Variants in AIG1 observed in about 807,000 individuals in gnomAD.
The protein encoded by AIG1 is androgen induced 1.
AIG1 carries 23 observed loss-of-function variants against 31.4 expected under a neutral mutation model. That is an observed-to-expected ratio of 0.73 (90% CI 0.53 to 1.04). The LOEUF is 1.04. AIG1 is among the 50% of genes least tolerant of loss of function. AIG1 has a pLI of 0.00. For missense variants in AIG1, 274 were observed against 295.0 expected, an observed-to-expected ratio of 0.93 and a Z score of 0.52; for synonymous variants, 100 against 110.5, an observed-to-expected ratio of 0.90 and a Z score of 0.60.
rs561022728 is a variant in AIG1 at position 143,286,768 on chromosome 6, A to G, written c.515+2543A>G. Among the ~76,000 whole-genome samples, 13 of 152,298 alleles carry G rather than the reference A, an allele frequency of 8.5e-5. No individual in the cohort carries two copies. The South Asian group carries it at 1.0e-3, about 12-fold the overall frequency. ...GCAATACTGAGTAAGGTTGAGCTAA[A>G]TCTATACCTCAGGGGCTGACCAGGC... is the stretch of plus-strand genomic sequence containing the variant. On this transcript the variant is annotated intron_variant, in intron 4 of 5. Transcript: ENST00000357847.
upstream of AIG1, among the ~76,000 whole-genome samples, chr6:143,059,396 A>G (rs1363817732): frequency 1.3e-5 from 2 of 152,192 alleles, no homozygotes; most frequent in African/African-American, 4.8e-5. Flanking sequence ...AACCAATTCC[A>G]GACACATTAT....
chr6:143,199,833 A>G (rs1470437362), intron 3 of AIG1, among the ~76,000 whole-genome samples: 2 of 152,214 alleles, frequency 1.3e-5, no homozygotes, highest in African/African-American at 4.8e-5. Context: ...GAAGTATACA[A>G]GAAGGCTTAA....
intron 1 of AIG1, among the ~76,000 whole-genome samples, chr6:143,082,474 C>T (rs1778353316): frequency 6.6e-6 from 1 of 152,200 alleles, no homozygotes; most frequent in Non-Finnish European, 1.5e-5. Context: ...TGTGCAGTCA[C>T]AGCACTGGTC....
Position 143,299,326 on chromosome 6 carries a change from A to G in AIG1, c.515+15101A>G, listed in dbSNP as rs930195674. ...AGGAATACTCTTCCAAGTCTCAGCTAGCAGAGTCGAGAAATAGCATGACAT... is the reference window on the plus strand; with the variant it reads ...AGGAATACTCTTCCAAGTCTCAGCTGGCAGAGTCGAGAAATAGCATGACAT... On this transcript the variant is annotated intron_variant, in intron 4 of 5. Coordinates refer to ENST00000357847, the MANE Select transcript of AIG1 (RefSeq NM_016108.4). This position sits in a 1 kb window ranked among gnomAD's most constrained non-coding sequence, Gnocchi z 4.1. The G allele has an allele frequency of 1.3e-5, 2 of 152,226 alleles. No homozygotes were observed. The highest frequency in any genetic ancestry group is 2.4e-5 in the African/African-American group (1 of 41,466). The allele number at this position is 152,226 out of a possible 1,614,324, so 9.4% of individuals were successfully genotyped here.
chr6:143,334,045 A>G lies in AIG1; in HGVS notation c.679+600A>G. 2 of 1,549,846 alleles carry G rather than the reference A, an allele frequency of 1.3e-6. No individual in the cohort carries two copies. The highest frequency in any genetic ancestry group is 2.4e-5 in the East Asian group (1 of 40,906). On this transcript the variant is annotated intron_variant, in intron 5 of 5. Transcript: ENST00000357847. The surrounding 1 kb of genome is among the most constrained non-coding windows in gnomAD (Gnocchi z 5.1). ...GCTGGAAAAACTCTTTTAACCTGTG[A>G]TTTGATTTCTCTTTTGTTTCCATTT...
chr6:143,131,781 G>A (rs1783264308), intron 1 of AIG1, among the ~76,000 whole-genome samples: 1 of 152,184 alleles, frequency 6.6e-6, no homozygotes, highest in Admixed American at 6.5e-5. Context: ...TTTTGGTGTT[G>A]TGGTACCCTA....
At chr6:143,261,588 T>C (rs1795783445) in intron 3 of AIG1, among the ~76,000 whole-genome samples, 1 of 152,224 alleles carries the variant, frequency 6.6e-6, no homozygotes, top group South Asian at 2.1e-4. Flanking sequence ...AAAAAATCTA[T>C]TAAAAAGCAT....
chr6:143,338,854 G>A lies in AIG1; in HGVS notation c.680-785G>A, dbSNP rs570663605. On this transcript the variant is annotated intron_variant, in intron 5 of 5. Coordinates refer to ENST00000357847, the MANE Select transcript of AIG1 (RefSeq NM_016108.4). This position sits in a 1 kb window ranked among gnomAD's most constrained non-coding sequence, Gnocchi z 4.3. ...TTTGCTATTGAAACAAAGAAACTGAGAATTTGGTATGATTCAAAAAATGTT... is the reference window on the plus strand; with the variant it reads ...TTTGCTATTGAAACAAAGAAACTGAAAATTTGGTATGATTCAAAAAATGTT... 1 of 152,118 alleles carries A rather than the reference G, an allele frequency of 6.6e-6. No homozygotes were observed. The highest frequency in any genetic ancestry group is 6.5e-5 in the Admixed American group (1 of 15,278). 9.4% of individuals were successfully genotyped at this position (152,118 alleles called of 1,614,324 possible).
intron 1 of AIG1, among the ~76,000 whole-genome samples, chr6:143,120,519 T>A (rs1210972367): frequency 1.3e-5 from 2 of 152,050 alleles, no homozygotes; most frequent in Non-Finnish European, 2.9e-5. Flanking sequence ...AGAGAGTGTG[T>A]GCAGGGGAAC....
intron 2 of AIG1, among the ~76,000 whole-genome samples, chr6:143,163,621 C>CT (rs1350049579): frequency 6.6e-6 from 1 of 152,142 alleles, no homozygotes; most frequent in Non-Finnish European, 1.5e-5. Flanking sequence ...GGCAGTCTTC[C>CT]TTTTAAATAT....
At chr6:143,164,801 C>T (rs535948198) in intron 2 of AIG1, 10 of 272,028 alleles carry the variant, frequency 3.7e-5, no homozygotes, top group Admixed American at 9.9e-5. Context: ...AGCCCTGAAA[C>T]GGAGCTGTAC....
intron 1 of AIG1, among the ~76,000 whole-genome samples, chr6:143,118,162 G>A (rs1246477093): frequency 6.6e-6 from 1 of 152,018 alleles, no homozygotes; most frequent in African/African-American, 2.4e-5. Flanking sequence ...CTCACGCCCG[G>A]TGAGCACATC....
rs765662371 is a variant in AIG1, at chr6:143,216,083, A to G, written c.399+50900A>G. On this transcript the variant is annotated intron_variant, in intron 3 of 5. Transcript: ENST00000357847. ...GAGTCCTTGTGATATATATAGCTAA[A>G]TCTCACCCTAATGAACACATCTTAT... 1.1e-4 allele frequency among the ~76,000 whole-genome samples: 17 copies of G among 151,930 alleles called. 1 individual carries two copies. The South Asian group carries it at 3.3e-3, about 30-fold the overall frequency.
chr6:143,064,142 C>T (rs1347689363), intron 1 of AIG1, among the ~76,000 whole-genome samples: 3 of 152,094 alleles, frequency 2.0e-5, no homozygotes, highest in South Asian at 2.1e-4. Context: ...CCTGTGAATA[C>T]ATTAGGTTAC....
At position 143,198,936 on chromosome 6, in the gene AIG1, A is replaced by G. The variant is rs556168666; in HGVS notation, c.399+33753A>G. ...TGGGACAAATAGCAGCCTTTGCCATACCTTCTTTCCTGTCCCAATCTTTGA... is the reference window on the plus strand; with the variant it reads ...TGGGACAAATAGCAGCCTTTGCCATGCCTTCTTTCCTGTCCCAATCTTTGA... On this transcript the variant is annotated intron_variant, in intron 3 of 5. Transcript: ENST00000357847. Among the ~76,000 whole-genome samples the G allele has an allele frequency of 3.3e-5, 5 of 152,290 alleles. No homozygotes were observed. The South Asian group carries it at 1.0e-3, about 32-fold the overall frequency.
At chr6:143,245,743 A>G (rs1411189318) in intron 3 of AIG1, among the ~76,000 whole-genome samples, 1 of 152,196 alleles carries the variant, frequency 6.6e-6, no homozygotes, top group Non-Finnish European at 1.5e-5. Flanking sequence ...CATTTATTGA[A>G]CACTTTCCTT....
At chr6:143,296,937 A>G (rs1378369677) in intron 4 of AIG1, among the ~76,000 whole-genome samples, 1 of 152,192 alleles carries the variant, frequency 6.6e-6, no homozygotes, top group Non-Finnish European at 1.5e-5. Flanking sequence ...TCAAACAAGC[A>G]CTTATTGAGT....
At chr6:143,166,741 C>T (rs1786992660) in intron 3 of AIG1, among the ~76,000 whole-genome samples, 1 of 152,046 alleles carries the variant, frequency 6.6e-6, no homozygotes, top group South Asian at 2.1e-4. Context: ...TTTTTTTGTG[C>T]CAGGCACTCT....
At chr6:143,234,623 T>C (rs1793680026) in intron 3 of AIG1, among the ~76,000 whole-genome samples, 1 of 152,130 alleles carries the variant, frequency 6.6e-6, no homozygotes, top group Non-Finnish European at 1.5e-5. Context: ...TACCCATCCA[T>C]CCAGTGTTGT....
Sources: allele counts gnomAD v4.1 joint callset (sites outside exome capture counted in the v4.1 genomes callset), GRCh38; gene constraint gnomAD v4.1.1; non-coding constraint Gnocchi (gnomAD v3.1); transcripts MANE v1.5; gene names NCBI Gene and HGNC (gene_info 2026-07-23, HGNC 2026-07-21).